ATP7B: variants seen among roughly 807,000 people sequenced by gnomAD.
ATP7B encodes ATPase copper transporting beta.
A neutral mutation model predicts 118.9 loss-of-function variants in ATP7B; 113 were observed. The observed-to-expected ratio is 0.95, with a 90% CI of 0.82 to 1.11. ATP7B has a LOEUF of 1.11. ATP7B is among the 50% of genes most tolerant of loss of function. ATP7B has a pLI of 0.00. For missense variants in ATP7B, 1,867 were observed against 1,871.4 expected, an observed-to-expected ratio of 1.00 and a Z score of 0.04; for synonymous variants, 777 against 727.4, an observed-to-expected ratio of 1.07 and a Z score of -1.10.
chr13:51,936,038 G>A (rs1186807881), intron 19 of ATP7B, among the ~76,000 whole-genome samples: 1 of 152,218 alleles, frequency 6.6e-6, no homozygotes, highest in African/African-American at 2.4e-5. Flanking sequence ...GGAGCTGAGG[G>A]AGCCAGTTGC....
In ATP7B at chr13:51,960,191, G is replaced by C. The variant is rs1212479289; in HGVS notation, c.2078C>G (p.Ser693Cys). The C allele has an allele frequency of 6.2e-7, 1 of 1,613,970 alleles. No homozygotes were observed. The highest frequency in any genetic ancestry group is 8.5e-7 in the Non-Finnish European group (1 of 1,179,854). The part of the protein sequence containing the change: ...VLDHNIIPGL[S>C]ILNLIFFILC... ...GATAAAGAAGATGAGATTTAGAATG[G>C]ACAGTCCTGGAATGATGTTGTGGTC... Residue 693 changes from serine to cysteine, a missense_variant, in exon 7 of 21, where the codon TCC (serine) becomes TGC (cysteine). Coordinates refer to ENST00000242839, the MANE Select transcript of ATP7B (RefSeq NM_000053.4).
intron 8 of ATP7B, 55 bp downstream of exon 8, chr13:51,958,256 G>T: frequency 6.4e-7 from 1 of 1,553,362 alleles, no homozygotes; most frequent in Non-Finnish European, 8.9e-7. Context: ...TTCAGAGGAA[G>T]TGAGATTTGT....
At chr13:51,963,654 T>G (rs1256636699) in intron 5 of ATP7B, among the ~76,000 whole-genome samples, 1 of 149,252 alleles carries the variant, frequency 6.7e-6, no homozygotes, top group East Asian at 2.0e-4. Flanking sequence ...GAGAATCGCT[T>G]GATCCCAGGA....
intron 16 of ATP7B, 128 bp from the exon 17 acceptor site, chr13:51,939,321 A>C: frequency 7.0e-7 from 1 of 1,424,532 alleles, no homozygotes; most frequent in Non-Finnish European, 9.6e-7. Context: ...ATATAACACA[A>C]TGTGGTTTTT....
intron 2 of ATP7B, among the ~76,000 whole-genome samples, chr13:51,972,886 G>T (rs1951909513): frequency 6.6e-6 from 1 of 152,108 alleles, no homozygotes; most frequent in South Asian, 2.1e-4. Context: ...CACACCTGTA[G>T]TCCCAGCTAC....
At chr13:52,008,746 A>C (rs749840927) in intron 1 of ATP7B, among the ~76,000 whole-genome samples, 7 of 152,226 alleles carry the variant, frequency 4.6e-5, no homozygotes, top group African/African-American at 9.7e-5. Context: ...CTTCTCTGAA[A>C]TCTGAATCAT....
intron 9 of ATP7B, 133 bp from the exon 10 acceptor site, chr13:51,950,532 A>C: frequency 1.5e-6 from 2 of 1,362,496 alleles, no homozygotes; most frequent in South Asian, 2.4e-5. Flanking sequence ...CTGTTCATTT[A>C]CAGATATTTA....
At chr13:51,943,113 C>T (rs1957436134) in intron 14 of ATP7B, among the ~76,000 whole-genome samples, 1 of 152,194 alleles carries the variant, frequency 6.6e-6, no homozygotes, top group African/African-American at 2.4e-5. Context: ...AGGCTGTGAG[C>T]TCCCAAAGGG....
Position 51,974,929 on chromosome 13 carries a change from A to C in ATP7B, c.291T>G (p.Ser97Arg). ...CCGATGGCACATATTTCACAGTGGCACTGCCTTGTTCCAGGGAAACCTTCA... is the reference window on the plus strand; with the variant it reads ...CCGATGGCACATATTTCACAGTGGCCCTGCCTTGTTCCAGGGAAACCTTCA... ...ISMKVSLEQG[S>R]ATVKYVPSVV... Residue 97 changes from serine (S) to arginine (R), a missense_variant, in exon 2 of 21, where the codon AGT becomes AGG. Ser to Arg is a moderately radical substitution (Grantham distance 110, BLOSUM62 -1). Transcript: ENST00000242839. 6.2e-7 allele frequency: 1 copy of C among 1,614,242 alleles called. No homozygotes were observed. Among genetic ancestry groups the C allele is most frequent in the Non-Finnish European group, 8.5e-7 (1 of 1,180,044 alleles).
chr13:52,001,180 A>T (rs1005154412), intron 1 of ATP7B, among the ~76,000 whole-genome samples: 26 of 152,156 alleles, frequency 1.7e-4, no homozygotes, highest in African/African-American at 5.6e-4. Flanking sequence ...GGTCCAAGCC[A>T]CCAGCTCATC....
chr13:51,981,629 C>T (rs548883184), intron 1 of ATP7B, among the ~76,000 whole-genome samples: 45 of 152,256 alleles, frequency 3.0e-4, no homozygotes, highest in African/African-American at 1.0e-3. Flanking sequence ...CCATCCCAGG[C>T]ATCCAGGCCA....
At chr13:51,936,552 G>T (rs1956975744) in intron 19 of ATP7B, among the ~76,000 whole-genome samples, 1 of 152,026 alleles carries the variant, frequency 6.6e-6, no homozygotes. Context: ...TCTGAGATAG[G>T]GTTTCACTCT....
intron 1 of ATP7B, among the ~76,000 whole-genome samples, chr13:52,009,627 T>C (rs1025106616): frequency 6.6e-6 from 1 of 152,234 alleles, no homozygotes; most frequent in Non-Finnish European, 1.5e-5. Flanking sequence ...TTCTCTCCTA[T>C]TAATCTGCCA....
At position 51,960,147 on chromosome 13, in the gene ATP7B, C is replaced by A; in HGVS notation, c.2121+1G>T. On this transcript the variant is annotated splice_donor_variant, in intron 7 of 20. Coordinates refer to ENST00000242839, the MANE Select transcript of ATP7B (RefSeq NM_000053.4). LOFTEE classifies it high-confidence loss of function. ...AGGTCTGCCCACTTTCTCATATATA[C>A]CTGGACAAAGGTACACAAGATAAAG... The A allele has an allele frequency of 2.5e-6, 4 of 1,613,658 alleles. No individual in the cohort carries two copies. Among genetic ancestry groups the A allele is most frequent in the Non-Finnish European group, 3.4e-6 (4 of 1,179,568 alleles).
intron 4 of ATP7B, among the ~76,000 whole-genome samples, chr13:51,966,443 G>A (rs1439774415): frequency 6.6e-6 from 1 of 152,208 alleles, no homozygotes; most frequent in Non-Finnish European, 1.5e-5. Context: ...TACACCGCTT[G>A]TGCCGTACCA....
intron 15 of ATP7B, 144 bp downstream of exon 15, chr13:51,942,242 C>A: frequency 1.6e-6 from 2 of 1,263,844 alleles, no homozygotes; most frequent in Non-Finnish European, 2.2e-6. Flanking sequence ...GAGAAACTTT[C>A]CTGGGTGTGG....
In ATP7B at chr13:51,950,385, G is replaced by T; in HGVS notation, c.2462C>A (p.Pro821His). The T allele has an allele frequency of 6.2e-7, 1 of 1,614,064 alleles. No homozygotes were observed. Among genetic ancestry groups the T allele is most frequent in the Non-Finnish European group, 8.5e-7 (1 of 1,180,030 alleles). Residue 821 changes from proline (P) to histidine (H), a missense_variant, in exon 10 of 21, where the codon CCC becomes CAC. By Grantham distance (77) the Pro-to-His change is moderately conservative. Coordinates refer to ENST00000242839, the MANE Select transcript of ATP7B (RefSeq NM_000053.4). ...DNLIIREEQV[P>H]MELVQRGDIV... ...ATCGCCCCGCTGCACCAGCTCCATG[G>T]GGACTTGCTCCTCCCTGCAACAAAC... is the stretch of plus-strand genomic sequence containing the variant.
chr13:51,978,204 T>G (rs1273122531), intron 1 of ATP7B, among the ~76,000 whole-genome samples: 1 of 151,602 alleles, frequency 6.6e-6, no homozygotes, highest in Non-Finnish European at 1.5e-5. Context: ...GATAAAAAAC[T>G]GGGGGAAAAA....
chr13:51,993,854 A>T (rs952271524), intron 1 of ATP7B, among the ~76,000 whole-genome samples: 1 of 152,144 alleles, frequency 6.6e-6, no homozygotes, highest in Non-Finnish European at 1.5e-5. Flanking sequence ...CAGGTCCCAC[A>T]ACTTGTGTTG....
Sources: allele counts gnomAD v4.1 joint callset (sites outside exome capture counted in the v4.1 genomes callset), GRCh38; gene constraint gnomAD v4.1.1; transcripts MANE v1.5; gene names NCBI Gene and HGNC (gene_info 2026-07-23, HGNC 2026-07-21).